Variants in MRPS18A observed in about 807,000 individuals in gnomAD.
MRPS18A encodes the protein large ribosomal subunit protein mL66.
In MRPS18A, 20 loss-of-function variants were observed where a neutral mutation model predicts 22.7. The observed-to-expected ratio is 0.88, with a 90% CI of 0.62 to 1.28. The LOEUF is 1.28. Among genes scored for constraint, MRPS18A ranks in the 50% most tolerant of loss-of-function variants. The probability of loss-of-function intolerance (pLI) is 0.00; values close to 1 mark genes in which losing one functional copy is unlikely to be tolerated. For synonymous variants in MRPS18A, 106 were observed against 99.1 expected (o/e 1.07, Z -0.41); for missense variants, 294 against 262.6 (o/e 1.12, Z -0.83).
chr6:43,672,174 T>C (rs1773749129), intron 5 of MRPS18A: 1 of 541,408 alleles, frequency 1.8e-6, no homozygotes, highest in Non-Finnish European at 3.4e-6. Context: ...TAAATGTCAA[T>C]GTTGGTGTGT....
At chr6:43,686,436 T>C (rs1342543812) in intron 1 of MRPS18A, among the ~76,000 whole-genome samples, 1 of 152,260 alleles carries the variant, frequency 6.6e-6, no homozygotes, top group Non-Finnish European at 1.5e-5. Context: ...GACTTTTTTT[T>C]CTAGCAAATG....
At chr6:43,683,854 T>A (rs1774543897) in intron 1 of MRPS18A, among the ~76,000 whole-genome samples, 1 of 152,142 alleles carries the variant, frequency 6.6e-6, no homozygotes, top group East Asian at 1.9e-4. Flanking sequence ...AGAACTAAAC[T>A]CTGCATGGGA....
intron 1 of MRPS18A, among the ~76,000 whole-genome samples, chr6:43,685,628 A>G (rs2127955040): frequency 6.6e-6 from 1 of 152,282 alleles, no homozygotes; most frequent in African/African-American, 2.4e-5. Context: ...AGCTGACTAA[A>G]ATTATGTATT....
At position 43,684,462 on chromosome 6, in the gene MRPS18A, G is replaced by A. The variant is rs182692481; in HGVS notation, c.112+3206C>T. 2.6e-5 allele frequency among the ~76,000 whole-genome samples: 4 copies of A among 152,252 alleles called. No homozygotes were observed. The East Asian group carries it at 5.8e-4, about 22-fold the overall frequency. On this transcript the variant is annotated intron_variant, in intron 1 of 5. Coordinates refer to ENST00000372133, the MANE Select transcript of MRPS18A (RefSeq NM_018135.4). ...CAAACACCTTCCTGCCTCAAGCCCT[G>A]CTTCCTCCAGTTCATCTTTAACTCT... is the stretch of plus-strand genomic sequence containing the variant.
intron 3 of MRPS18A, among the ~76,000 whole-genome samples, chr6:43,675,854 T>G (rs1186683833): frequency 6.6e-6 from 1 of 150,708 alleles, no homozygotes; most frequent in Non-Finnish European, 1.5e-5. Flanking sequence ...AGCTTCTCTA[T>G]GAGATTTTTT....
chr6:43,687,645 G>A, intron 1 of MRPS18A, 23 bp downstream of exon 1: 7 of 1,174,532 alleles, frequency 6.0e-6, no homozygotes, highest in Non-Finnish European at 8.4e-6. Context: ...AATTTCAGGA[G>A]GTTGCTGGGA....
intron 1 of MRPS18A, among the ~76,000 whole-genome samples, chr6:43,686,045 C>G (rs1020307100): frequency 2.6e-5 from 4 of 152,176 alleles, no homozygotes; most frequent in Non-Finnish European, 5.9e-5. Flanking sequence ...CTCAAGTGAT[C>G]CTCCCACCTT....
intron 1 of MRPS18A, among the ~76,000 whole-genome samples, chr6:43,685,177 G>A (rs570450424): frequency 6.6e-6 from 1 of 152,294 alleles, no homozygotes; most frequent in Admixed American, 6.5e-5. Context: ...TTATAAAAAT[G>A]AGGACAGTTA....
intron 1 of MRPS18A, among the ~76,000 whole-genome samples, chr6:43,682,459 T>C (rs1380933008): frequency 6.6e-6 from 1 of 152,226 alleles, no homozygotes; most frequent in African/African-American, 2.4e-5. Flanking sequence ...ATTTGTCTTC[T>C]GGGCAACCCA....
At chr6:43,682,291 C>T (rs887561709) in intron 1 of MRPS18A, among the ~76,000 whole-genome samples, 1 of 152,080 alleles carries the variant, frequency 6.6e-6, no homozygotes, top group South Asian at 2.1e-4. Context: ...AGAGCGAGAC[C>T]CCATCTCAAA....
At chr6:43,678,987 T>TTGGGGGAAAGTAATACATGCACA (rs1339177931) in intron 2 of MRPS18A, among the ~76,000 whole-genome samples, 3 of 152,166 alleles carry the variant, frequency 2.0e-5, no homozygotes, top group Non-Finnish European at 4.4e-5. Flanking sequence ...TCCTTGGCTT[T>TTGGGGGAAAGTAATACATGCACA]TGGGGGAAAG....
At chr6:43,679,508 A>G (rs1251140584) in intron 2 of MRPS18A, among the ~76,000 whole-genome samples, 1 of 152,210 alleles carries the variant, frequency 6.6e-6, no homozygotes, top group Non-Finnish European at 1.5e-5. Flanking sequence ...TGACCTCCCT[A>G]TCGCTGCCGT....
intron 1 of MRPS18A, among the ~76,000 whole-genome samples, chr6:43,684,611 A>C (rs1774590062): frequency 6.6e-6 from 1 of 151,874 alleles, no homozygotes; most frequent in African/African-American, 2.4e-5. Flanking sequence ...ATTTCTTCCC[A>C]CTAGCAGGTT....
rs752908027 is a variant in MRPS18A at position 43,678,532 on chromosome 6, T to C, written c.238A>G (p.Lys80Glu). Reference protein sequence around the residue: ...CPICRWNLKHKYNYDDVLLLS... With the variant: ...CPICRWNLKHEYNYDDVLLLS... ...CCCAGACTCACGTCATAGTTATACT[T>C]GTGCTTCAGGTTCCAACGGCAGATG... is the stretch of plus-strand genomic sequence containing the variant. The change falls in exon 3 of 6, where the codon AAG becomes GAG. Residue 80 changes from lysine (K) to glutamate (E), a missense_variant. Physicochemically the swap from Lys to Glu is moderately conservative, Grantham distance 56. Transcript: ENST00000372133. 6.2e-7 allele frequency: 1 copy of C among 1,611,802 alleles called. No individual in the cohort carries two copies. The highest frequency in any genetic ancestry group is 8.5e-7 in the Non-Finnish European group (1 of 1,177,990).
chr6:43,681,028 G>C (rs1294805822), intron 2 of MRPS18A, 61 bp downstream of exon 2: 1 of 1,558,242 alleles, frequency 6.4e-7, no homozygotes, highest in East Asian at 2.2e-5. Context: ...TCCCTCAGAG[G>C]AGCGGCCAGG....
intron 3 of MRPS18A, 180 bp downstream of exon 3, chr6:43,678,338 A>C (rs1774176543): frequency 3.8e-6 from 2 of 526,084 alleles, no homozygotes; most frequent in Non-Finnish European, 6.9e-6. Context: ...ATTTTTTAAA[A>C]GCTCCCCAGG....
At chr6:43,687,467 T>A (rs1389849319) in intron 1 of MRPS18A, among the ~76,000 whole-genome samples, 2 of 152,166 alleles carry the variant, frequency 1.3e-5, no homozygotes, top group African/African-American at 2.4e-5. Flanking sequence ...TCCTCCGCCT[T>A]GTGAAGATAC....
intron 2 of MRPS18A, 36 bp from the exon 3 acceptor site, chr6:43,678,661 A>T (rs778385427): frequency 3.4e-6 from 5 of 1,472,386 alleles, no homozygotes; most frequent in Admixed American, 1.7e-5. Flanking sequence ...TGTGAGAGAC[A>T]GGACCTGCGT....
At position 43,671,268 on chromosome 6, in the gene MRPS18A, C is replaced by T; in HGVS notation, c.*494G>A. 1 of 495,884 alleles carries T rather than the reference C, an allele frequency of 2.0e-6. No individual in the cohort carries two copies. The highest frequency in any genetic ancestry group is 3.7e-6 in the Non-Finnish European group (1 of 273,654). The allele number at this position is 495,884 out of a possible 1,614,324, so 30.7% of individuals were successfully genotyped here. On this transcript the variant is annotated 3_prime_UTR_variant, in exon 6 of 6. Coordinates refer to ENST00000372133, the MANE Select transcript of MRPS18A (RefSeq NM_018135.4). The stretch of plus-strand genomic sequence containing the variant: ...GTGTGTCAGGCAGCCCACCTTGGCT[C>T]CCTGCAGCTCTCCCACAGTAAGGAG...
Sources: allele counts gnomAD v4.1 joint callset (sites outside exome capture counted in the v4.1 genomes callset), GRCh38; gene constraint gnomAD v4.1.1; transcripts MANE v1.5; gene names NCBI Gene and HGNC (gene_info 2026-07-23, HGNC 2026-07-21).